Variants in HS6ST3 observed in about 807,000 individuals in gnomAD.
The protein encoded by HS6ST3 is heparan sulfate 6-O-sulfotransferase 3.
HS6ST3 carries 12 observed loss-of-function variants against 36.7 expected under a neutral mutation model. The ratio of observed to expected loss-of-function variants is 0.33; its 90% CI spans 0.21 to 0.53. The LOEUF is 0.53. Among genes scored for constraint, HS6ST3 ranks in the 20% least tolerant of loss-of-function variants. The probability of loss-of-function intolerance (pLI) is 0.95; values close to 1 mark genes in which losing one functional copy is unlikely to be tolerated. For synonymous variants in HS6ST3, 240 were observed against 257.5 expected, an observed-to-expected ratio of 0.93 and a Z score of 0.65; for missense variants, 584 against 640.9, an observed-to-expected ratio of 0.91 and a Z score of 0.96.
At chr13:96,538,539 G>T (rs897459401) in intron 1 of HS6ST3, among the ~76,000 whole-genome samples, 2 of 152,216 alleles carry the variant, frequency 1.3e-5, no homozygotes, top group African/African-American at 2.4e-5. Context: ...CGCCTCCTGG[G>T]TTCAGGTGAT....
At chr13:96,571,911 A>G (rs576516881) in intron 1 of HS6ST3, among the ~76,000 whole-genome samples, 1 of 152,334 alleles carries the variant, frequency 6.6e-6, no homozygotes, top group African/African-American at 2.4e-5. Flanking sequence ...AGCAAGTTTA[A>G]GTCCCCATTG....
intron 1 of HS6ST3, among the ~76,000 whole-genome samples, chr13:96,323,900 C>A (rs1410523019): frequency 1.3e-5 from 2 of 152,158 alleles, no homozygotes; most frequent in African/African-American, 4.8e-5. Flanking sequence ...AAGAACAGTG[C>A]CTGGCACACT....
intron 1 of HS6ST3, among the ~76,000 whole-genome samples, chr13:96,241,947 G>A (rs550947775): frequency 8.6e-5 from 13 of 151,496 alleles, no homozygotes; most frequent in Admixed American, 5.9e-4. Context: ...CACCATGCCC[G>A]GCTAATTTTT....
At chr13:96,770,959 A>T (rs1168211870) in intron 1 of HS6ST3, among the ~76,000 whole-genome samples, 2 of 152,208 alleles carry the variant, frequency 1.3e-5, no homozygotes, top group Non-Finnish European at 2.9e-5. Context: ...TTAAAAGAAC[A>T]CAGGGTATAT....
At chr13:96,734,519 C>T (rs1176954814) in intron 1 of HS6ST3, among the ~76,000 whole-genome samples, 2 of 152,126 alleles carry the variant, frequency 1.3e-5, no homozygotes, top group Non-Finnish European at 2.9e-5. Flanking sequence ...AATGGAGAAT[C>T]CTTTGATGAA....
intron 1 of HS6ST3, among the ~76,000 whole-genome samples, chr13:96,405,665 C>T (rs1359720612): frequency 1.3e-5 from 2 of 152,106 alleles, no homozygotes; most frequent in East Asian, 1.9e-4. Context: ...TATAAAATAC[C>T]CTTCTTATGC....
intron 1 of HS6ST3, among the ~76,000 whole-genome samples, chr13:96,214,640 G>A (rs1332220669): frequency 1.3e-5 from 2 of 152,002 alleles, no homozygotes; most frequent in Non-Finnish European, 2.9e-5. Flanking sequence ...GCCTTACTGA[G>A]GGCCCAGAAT....
chr13:96,558,477 C>G (rs2056249489), intron 1 of HS6ST3, among the ~76,000 whole-genome samples: 1 of 152,160 alleles, frequency 6.6e-6, no homozygotes, highest in Non-Finnish European at 1.5e-5. Context: ...TGGCTGCCTG[C>G]TGAGCTATAA....
intron 1 of HS6ST3, among the ~76,000 whole-genome samples, chr13:96,563,459 A>C (rs1477377498): frequency 1.3e-5 from 2 of 152,164 alleles, no homozygotes; most frequent in Non-Finnish European, 2.9e-5. Context: ...ATGAAGACTC[A>C]TTAGTCTTTT....
chr13:96,507,174 G>A (rs1280547180), intron 1 of HS6ST3, among the ~76,000 whole-genome samples: 2 of 152,136 alleles, frequency 1.3e-5, no homozygotes, highest in African/African-American at 4.8e-5. Flanking sequence ...CAGATATGAA[G>A]GACAGCCACA....
intron 1 of HS6ST3, among the ~76,000 whole-genome samples, chr13:96,812,490 G>A (rs866592909): frequency 6.6e-6 from 1 of 152,084 alleles, no homozygotes; most frequent in Non-Finnish European, 1.5e-5. Flanking sequence ...ACATGTTACC[G>A]AGCAAAACCA....
chr13:96,392,598 G>T (rs2055401506), intron 1 of HS6ST3, among the ~76,000 whole-genome samples: 1 of 152,224 alleles, frequency 6.6e-6, no homozygotes, highest in Admixed American at 6.5e-5. Context: ...GTTGGTGAAT[G>T]AAGTTGAAAT....
At chr13:96,392,910 A>G (rs1340924272) in intron 1 of HS6ST3, among the ~76,000 whole-genome samples, 1 of 152,152 alleles carries the variant, frequency 6.6e-6, no homozygotes, top group African/African-American at 2.4e-5. Context: ...ATGGGGTGAT[A>G]TGGTTTGGCT....
At chr13:96,387,346 C>G (rs1324788602) in intron 1 of HS6ST3, among the ~76,000 whole-genome samples, 1 of 152,098 alleles carries the variant, frequency 6.6e-6, no homozygotes, top group Non-Finnish European at 1.5e-5. Flanking sequence ...TATAGATGAT[C>G]TTCAGAGTAA....
At chr13:96,752,628 G>A (rs1010768267) in intron 1 of HS6ST3, among the ~76,000 whole-genome samples, 1 of 151,878 alleles carries the variant, frequency 6.6e-6, no homozygotes, top group Non-Finnish European at 1.5e-5. Context: ...CATGTCTTCT[G>A]TTCATTTTTC....
intron 1 of HS6ST3, among the ~76,000 whole-genome samples, chr13:96,482,601 G>A (rs1315832825): frequency 6.6e-6 from 1 of 152,052 alleles, no homozygotes; most frequent in Non-Finnish European, 1.5e-5. Flanking sequence ...CTGGGCTGAG[G>A]CAGCTGAATC....
chr13:96,120,911 G>T (rs1431586850), intron 1 of HS6ST3, among the ~76,000 whole-genome samples: 1 of 152,178 alleles, frequency 6.6e-6, no homozygotes, highest in Non-Finnish European at 1.5e-5. Context: ...GTCATTACAG[G>T]TCAGTCTCAT....
intron 1 of HS6ST3, among the ~76,000 whole-genome samples, chr13:96,099,921 G>T (rs775858169): frequency 6.6e-6 from 1 of 152,126 alleles, no homozygotes; most frequent in Non-Finnish European, 1.5e-5. Context: ...GAGCAAACAC[G>T]GTTTGAAAGA....
chr13:96,238,792 A>G (rs936819018), intron 1 of HS6ST3, among the ~76,000 whole-genome samples: 4 of 152,238 alleles, frequency 2.6e-5, no homozygotes, highest in Admixed American at 6.5e-5. Flanking sequence ...CGTGCTTTCA[A>G]TATATTTGTG....
Sources: gnomAD v4.1 joint callset for allele counts (sites outside exome capture counted in the v4.1 genomes callset) on GRCh38, gnomAD v4.1.1 for gene constraint, MANE v1.5 for transcripts, NCBI Gene and HGNC (gene_info 2026-07-23, HGNC 2026-07-21) for gene names.